The following PRKG1 variants were observed in gnomAD, a reference collection of about 807,000 sequenced individuals.
The protein encoded by PRKG1 is cGMP-dependent protein kinase 1.
A neutral mutation model predicts 88.1 loss-of-function variants in PRKG1; 35 were observed. That is an observed-to-expected ratio of 0.40 (90% CI 0.30 to 0.53). The LOEUF (loss-of-function observed/expected upper bound fraction) is 0.53. Ranked by LOEUF, PRKG1 falls within the 20% of genes least tolerant of loss-of-function variation. PRKG1 has a pLI of 0.59. For missense variants in PRKG1, 540 were observed against 839.8 expected (o/e 0.64, Z 4.41); for synonymous variants, 303 against 292.5 (o/e 1.04, Z -0.37).
intron 3 of PRKG1, among the ~76,000 whole-genome samples, chr10:51,691,553 C>A (rs975186266): frequency 6.6e-6 from 1 of 152,124 alleles, no homozygotes; most frequent in African/African-American, 2.4e-5. Context: ...TGGACACAAG[C>A]GATCCTCCAG....
intron 3 of PRKG1, among the ~76,000 whole-genome samples, chr10:51,565,254 G>C (rs1837569078): frequency 6.6e-6 from 1 of 151,940 alleles, no homozygotes; most frequent in Non-Finnish European, 1.5e-5. Flanking sequence ...CCTTTCTCTT[G>C]AGTTTTGTCC....
At chr10:52,131,763 A>G (rs944418042) in intron 7 of PRKG1, among the ~76,000 whole-genome samples, 2 of 130,016 alleles carry the variant, frequency 1.5e-5, no homozygotes, top group African/African-American at 5.7e-5. Flanking sequence ...CGGAGGTTGC[A>G]GTGAGCCGAG....
intron 1 of PRKG1, among the ~76,000 whole-genome samples, chr10:51,084,908 T>C (rs978853626): frequency 6.6e-6 from 1 of 152,212 alleles, no homozygotes; most frequent in Admixed American, 6.5e-5. Context: ...ATATCAAGCT[T>C]TCACCAGATC....
At chr10:52,068,059 C>A (rs1359973853) in intron 7 of PRKG1, among the ~76,000 whole-genome samples, 1 of 139,326 alleles carries the variant, frequency 7.2e-6, no homozygotes, top group African/African-American at 2.5e-5. Context: ...AAAAATCAGC[C>A]GGGCATGGTG....
At chr10:51,611,529 G>A (rs546958587) in intron 3 of PRKG1, among the ~76,000 whole-genome samples, 2 of 150,954 alleles carry the variant, frequency 1.3e-5, no homozygotes, top group South Asian at 4.2e-4. Context: ...CTGGATATTA[G>A]CCCCCTGTCA....
intron 3 of PRKG1, among the ~76,000 whole-genome samples, chr10:51,737,549 G>T (rs1373480591): frequency 2.6e-5 from 4 of 151,946 alleles, no homozygotes; most frequent in African/African-American, 9.7e-5. Context: ...GGAATGACTG[G>T]ATGTTGTCGG....
At chr10:51,429,439 A>C (rs917585508) in intron 2 of PRKG1, among the ~76,000 whole-genome samples, 2 of 152,264 alleles carry the variant, frequency 1.3e-5, no homozygotes, top group East Asian at 3.9e-4. Context: ...AATTCATGAG[A>C]CACATAAAGA....
At chr10:52,055,839 T>C (rs1846098409) in intron 6 of PRKG1, among the ~76,000 whole-genome samples, 1 of 152,180 alleles carries the variant, frequency 6.6e-6, no homozygotes, top group South Asian at 2.1e-4. Context: ...CTATAACTTA[T>C]AGCTCATATA....
chr10:51,879,053 A>G (rs1267971046), intron 4 of PRKG1, among the ~76,000 whole-genome samples: 1 of 152,160 alleles, frequency 6.6e-6, no homozygotes, highest in Non-Finnish European at 1.5e-5. Flanking sequence ...CAACCTCTAA[A>G]TATTTCAAGC....
chr10:52,200,709 C>T (rs530174746), intron 9 of PRKG1, among the ~76,000 whole-genome samples: 1 of 152,292 alleles, frequency 6.6e-6, no homozygotes, highest in South Asian at 2.1e-4. Flanking sequence ...ACCACAACCT[C>T]ACCAGCATGT....
chr10:51,267,703 A>T (rs560628177), intron 2 of PRKG1, among the ~76,000 whole-genome samples: 1 of 152,320 alleles, frequency 6.6e-6, no homozygotes, highest in South Asian at 2.1e-4. Flanking sequence ...AAACCCTAAA[A>T]ATTCTGGAAG....
intron 3 of PRKG1, among the ~76,000 whole-genome samples, chr10:51,788,120 A>G (rs1339227148): frequency 6.6e-6 from 1 of 152,190 alleles, no homozygotes; most frequent in East Asian, 1.9e-4. Flanking sequence ...TTTAAACAGA[A>G]TCTTTCTAGA....
intron 2 of PRKG1, among the ~76,000 whole-genome samples, chr10:51,384,205 A>T (rs80115529): frequency 0.03 from 4,609 of 152,314 alleles, 101 homozygotes; most frequent in Admixed American, 0.065. Flanking sequence ...CCCAACTCAA[A>T]GAACAATCTG....
At chr10:51,136,171 TGA>T (rs1012924574) in intron 1 of PRKG1, among the ~76,000 whole-genome samples, 1 of 151,808 alleles carries the variant, frequency 6.6e-6, no homozygotes, top group African/African-American at 2.4e-5. Flanking sequence ...ATATGGGGTG[TGA>T]GAGAGGGGAT....
intron 8 of PRKG1, among the ~76,000 whole-genome samples, chr10:52,146,842 A>G (rs1462903582): frequency 6.6e-6 from 1 of 152,224 alleles, no homozygotes; most frequent in Non-Finnish European, 1.5e-5. Context: ...ATTATTGCCT[A>G]GAATCATTAT....
intron 4 of PRKG1, among the ~76,000 whole-genome samples, chr10:51,832,820 T>C (rs1330507749): frequency 1.3e-5 from 2 of 152,110 alleles, no homozygotes; most frequent in Admixed American, 1.3e-4. Context: ...GGGGAGGAAA[T>C]GCATGATGAT....
intron 3 of PRKG1, among the ~76,000 whole-genome samples, chr10:51,747,639 C>A (rs1298714283): frequency 6.6e-6 from 1 of 152,070 alleles, no homozygotes; most frequent in Non-Finnish European, 1.5e-5. Flanking sequence ...GCACAGAATT[C>A]TTTGATTTTT....
chr10:51,850,594 T>C (rs12255169), intron 4 of PRKG1, among the ~76,000 whole-genome samples: 20,729 of 152,000 alleles, frequency 0.14, 2,691 homozygotes, highest in African/African-American at 0.34. Context: ...ACATTTGCAT[T>C]ACATATCATA....
At chr10:51,372,531 G>T (rs1269467761) in intron 2 of PRKG1, among the ~76,000 whole-genome samples, 2 of 152,024 alleles carry the variant, frequency 1.3e-5, no homozygotes, top group East Asian at 3.9e-4. Context: ...TAGAACTTCT[G>T]CTACTATGAT....
Sources: allele counts gnomAD v4.1 joint callset (sites outside exome capture counted in the v4.1 genomes callset), GRCh38; gene constraint gnomAD v4.1.1; transcripts MANE v1.5; gene names NCBI Gene and HGNC (gene_info 2026-07-23, HGNC 2026-07-21).